The following EYS variants were observed in gnomAD, a reference collection of about 807,000 sequenced individuals.
EYS encodes the protein protein eyes shut homolog.
Under a neutral mutation model 282.1 loss-of-function variants are expected in EYS, and 250 were observed. The observed-to-expected ratio is 0.89, with a 90% CI of 0.80 to 0.98. The LOEUF is 0.98. Ranked by LOEUF, EYS falls within the 50% of genes least tolerant of loss-of-function variation. The pLI, the probability that EYS is intolerant of heterozygous loss-of-function variation, is 0.00. For synonymous variants in EYS, 1,355 were observed against 1,282.9 expected (o/e 1.06, Z -1.20); for missense variants, 4,016 against 3,709.0 (o/e 1.08, Z -2.15).
At chr6:65,492,812 C>A (rs999851172) in intron 4 of EYS, among the ~76,000 whole-genome samples, 4 of 152,290 alleles carry the variant, frequency 2.6e-5, no homozygotes, top group Admixed American at 2.0e-4. Flanking sequence ...CTATAATAAT[C>A]TTGGTACTAA....
intron 30 of EYS, among the ~76,000 whole-genome samples, chr6:64,271,841 T>C (rs891614002): frequency 6.6e-6 from 1 of 152,084 alleles, no homozygotes; most frequent in African/African-American, 2.4e-5. Context: ...TATTTTATTT[T>C]ATTTATTTAT....
At chr6:64,454,736 T>G (rs1775499678) in intron 26 of EYS, among the ~76,000 whole-genome samples, 1 of 152,116 alleles carries the variant, frequency 6.6e-6, no homozygotes, top group South Asian at 2.1e-4. Context: ...TCCACAGATT[T>G]TGGTATTGGT....
At chr6:65,381,565 C>A (rs1213695276) in intron 8 of EYS, among the ~76,000 whole-genome samples, 1 of 151,900 alleles carries the variant, frequency 6.6e-6, no homozygotes, top group Non-Finnish European at 1.5e-5. Flanking sequence ...CGCAAACCAC[C>A]ATAGTACATG....
Position 64,647,850 on chromosome 6 carries a change from C to A in EYS, c.3444-21605G>T, listed in dbSNP as rs569651758. ...AGGAACCTTTTTGCTTATTTAACCT[C>A]CAGTTGGTGATCATAAGGGTTTATA... On this transcript the variant is annotated intron_variant, in intron 22 of 42. Transcript: ENST00000503581. Among the ~76,000 whole-genome samples the A allele has an allele frequency of 2.0e-5, 3 of 152,124 alleles. No individual in the cohort carries two copies. In the South Asian group the frequency reaches 6.2e-4, roughly 32 times the overall value.
intron 28 of EYS, among the ~76,000 whole-genome samples, chr6:64,398,614 A>T (rs374801452): frequency 6.6e-6 from 1 of 151,930 alleles, no homozygotes; most frequent in African/African-American, 2.4e-5. Flanking sequence ...GGTTTATAAT[A>T]CATTTAGAAT....
At chr6:64,812,280 CAT>C (rs1441427909) in intron 22 of EYS, among the ~76,000 whole-genome samples, 9 of 151,830 alleles carry the variant, frequency 5.9e-5, no homozygotes, top group South Asian at 4.1e-4. Context: ...GGTACACACA[CAT>C]GTCTGATGCA....
intron 5 of EYS, among the ~76,000 whole-genome samples, chr6:65,410,794 C>T (rs977913301): frequency 5.3e-5 from 8 of 151,754 alleles, no homozygotes; most frequent in African/African-American, 1.9e-4. Context: ...TGGAATCAAC[C>T]TAAGTGTTCA....
rs113639410 is a variant in EYS, at chr6:65,646,318, T to G, written c.-447-6426A>C. 4.6e-5 allele frequency among the ~76,000 whole-genome samples: 7 copies of G among 152,214 alleles called. 1 individual carries two copies. The highest frequency in any genetic ancestry group is 1.7e-4 in the African/African-American group (7 of 41,554). On this transcript the variant is annotated intron_variant, in intron 1 of 42. Transcript: ENST00000503581. The stretch of plus-strand genomic sequence containing the variant: ...GAAATGCAACATCATATTAAAAAGA[T>G]AATCCACTATGATCAAGTGGGTTTA...
chr6:64,484,117 T>C (rs1776515033), intron 26 of EYS, among the ~76,000 whole-genome samples: 1 of 151,636 alleles, frequency 6.6e-6, no homozygotes, highest in South Asian at 2.1e-4. Context: ...TTCAGCATGT[T>C]AGGACACATC....
chr6:63,956,652 G>C (rs976593121), intron 35 of EYS, among the ~76,000 whole-genome samples: 5 of 152,084 alleles, frequency 3.3e-5, no homozygotes, highest in African/African-American at 1.2e-4. Context: ...GTGATGTTTT[G>C]ATATACATAC....
intron 12 of EYS, among the ~76,000 whole-genome samples, chr6:65,106,583 T>A (rs1775045047): frequency 6.6e-6 from 1 of 152,090 alleles, no homozygotes. Flanking sequence ...CTCTTGTTTA[T>A]CTGTTATGTT....
At chr6:64,795,712 T>C (rs566808899) in intron 22 of EYS, among the ~76,000 whole-genome samples, 1 of 152,232 alleles carries the variant, frequency 6.6e-6, no homozygotes, top group Admixed American at 6.5e-5. Flanking sequence ...ACACTTTTAA[T>C]GAACTTCAGT....
In EYS at chr6:64,822,759, C is replaced by A. The variant is rs1362319613; in HGVS notation, c.3056G>T (p.Cys1019Phe). Residue 1019 changes from cysteine to phenylalanine, a missense_variant, in exon 20 of 43, where the codon TGT (cysteine) becomes TTT (phenylalanine). Cys to Phe is a radical substitution (Grantham distance 205). Transcript: ENST00000503581. The part of the protein sequence containing the change: ...LSEPCLHDGV[C>F]IDGINHYTCD... The stretch of plus-strand genomic sequence containing the variant: ...GGTATAATGATTGATGCCATCGATA[C>A]AAACTCCATCATGGAGACAGGGCTC... The A allele has an allele frequency of 2.6e-6, 4 of 1,550,064 alleles. No homozygotes were observed. Among genetic ancestry groups the A allele is most frequent in the Non-Finnish European group, 1.7e-6 (2 of 1,146,032 alleles).
chr6:64,942,969 A>G (rs548425002), intron 15 of EYS, among the ~76,000 whole-genome samples: 2 of 152,216 alleles, frequency 1.3e-5, no homozygotes, highest in African/African-American at 4.8e-5. Flanking sequence ...ATGACCCTCA[A>G]CAAAATACTA....
At chr6:64,736,917 G>A (rs983753564) in intron 22 of EYS, among the ~76,000 whole-genome samples, 36 of 152,158 alleles carry the variant, frequency 2.4e-4, no homozygotes, top group Admixed American at 1.3e-3. Flanking sequence ...TGTGAGGGAC[G>A]TGTCCTTTTC....
In EYS at chr6:64,532,255, T is replaced by A. The variant is rs182684169; in HGVS notation, c.5644+57968A>T. 4.6e-5 allele frequency among the ~76,000 whole-genome samples: 7 copies of A among 152,300 alleles called. No homozygotes were observed. The East Asian group carries it at 1.2e-3, about 25-fold the overall frequency. ...TAAAAAATTGGGATTTTAATCTTGC[T>A]CAGATCCCAAGTCTTGCTGAAGACG... On this transcript the variant is annotated intron_variant, in intron 26 of 42. Coordinates refer to ENST00000503581, the MANE Select transcript of EYS (RefSeq NM_001142800.2).
intron 5 of EYS, among the ~76,000 whole-genome samples, chr6:65,429,172 C>A (rs530419710): frequency 1.3e-3 from 196 of 146,940 alleles, no homozygotes; most frequent in African/African-American, 4.8e-3. Flanking sequence ...AGAGCAAAAT[C>A]ATCTCAAAAA....
At chr6:64,932,763 T>C (rs1187618722) in intron 15 of EYS, among the ~76,000 whole-genome samples, 1 of 151,986 alleles carries the variant, frequency 6.6e-6, no homozygotes, top group Non-Finnish European at 1.5e-5. Flanking sequence ...TGGAAGATGT[T>C]TTAGTTCCAA....
chr6:64,496,976 ATTATT>A (rs1182766043), intron 26 of EYS, among the ~76,000 whole-genome samples: 1 of 152,036 alleles, frequency 6.6e-6, no homozygotes, highest in Non-Finnish European at 1.5e-5. Flanking sequence ...ATGGAAGTGA[ATTATT>A]TTATTATCCT....
Sources: gnomAD v4.1 joint callset for allele counts (sites outside exome capture counted in the v4.1 genomes callset) on GRCh38, gnomAD v4.1.1 for gene constraint, MANE v1.5 for transcripts, NCBI Gene and HGNC (gene_info 2026-07-23, HGNC 2026-07-21) for gene names.